MAML2: variants seen among roughly 807,000 people sequenced by gnomAD.
MAML2 encodes mastermind like transcriptional coactivator 2, also known as mastermind-like protein 2.
MAML2 carries 22 observed loss-of-function variants against 96.1 expected under a neutral mutation model. That is an observed-to-expected ratio of 0.23 (90% confidence interval 0.16 to 0.33). The LOEUF (loss-of-function observed/expected upper bound fraction) is 0.33, where lower values mean the gene tolerates loss of function less well. Among genes scored for constraint, MAML2 ranks in the 10% least tolerant of loss-of-function variants. The pLI, the probability that MAML2 is intolerant of heterozygous loss-of-function variation, is 1.00. For synonymous variants in MAML2, 561 were observed against 521.3 expected, an observed-to-expected ratio of 1.08 and a Z score of -1.04; for missense variants, 1,367 against 1,392.4, an observed-to-expected ratio of 0.98 and a Z score of 0.29.
At chr11:96,247,561 G>A (rs1043726206) in intron 1 of MAML2, among the ~76,000 whole-genome samples, 1 of 152,064 alleles carries the variant, frequency 6.6e-6, no homozygotes, top group Admixed American at 6.6e-5. Context: ...CTTTGCAGAC[G>A]CCCACTGCCA....
intron 1 of MAML2, among the ~76,000 whole-genome samples, chr11:96,296,179 G>A (rs1565276206): frequency 6.6e-6 from 1 of 152,066 alleles, no homozygotes; most frequent in Non-Finnish European, 1.5e-5. Context: ...GGGACTACAG[G>A]CACACACCAT....
chr11:96,164,563 G>C (rs919050986), intron 1 of MAML2, among the ~76,000 whole-genome samples: 1 of 152,146 alleles, frequency 6.6e-6, no homozygotes, highest in African/African-American at 2.4e-5. Flanking sequence ...ACATGCTCTT[G>C]ATCTTCTTTT....
intron 1 of MAML2, among the ~76,000 whole-genome samples, chr11:96,286,868 A>C (rs1490544377): frequency 2.6e-5 from 4 of 152,200 alleles, no homozygotes; most frequent in Non-Finnish European, 2.9e-5. Context: ...ACGTGGAACT[A>C]AGCAATTTAA....
At chr11:96,218,337 C>A (rs950290711) in intron 1 of MAML2, among the ~76,000 whole-genome samples, 1 of 152,150 alleles carries the variant, frequency 6.6e-6, no homozygotes, top group African/African-American at 2.4e-5. Context: ...TCGGTGAACC[C>A]CACTTAATTG....
chr11:96,056,716 T>G (rs954474564), intron 2 of MAML2, among the ~76,000 whole-genome samples: 1 of 152,232 alleles, frequency 6.6e-6, no homozygotes, highest in Non-Finnish European at 1.5e-5. Flanking sequence ...GAAATACACT[T>G]TCTTTGTTCA....
At chr11:96,217,314 C>T (rs868130239) in intron 1 of MAML2, among the ~76,000 whole-genome samples, 3 of 152,230 alleles carry the variant, frequency 2.0e-5, no homozygotes, top group African/African-American at 7.2e-5. Context: ...AATGCACTGT[C>T]CATCTAAATA....
At chr11:96,208,070 T>C (rs1861919792) in intron 1 of MAML2, among the ~76,000 whole-genome samples, 1 of 152,216 alleles carries the variant, frequency 6.6e-6, no homozygotes. Flanking sequence ...CCACATTTTT[T>C]GCTGCAGTGA....
chr11:96,155,054 G>A (rs1442098204), intron 1 of MAML2, among the ~76,000 whole-genome samples: 4 of 152,180 alleles, frequency 2.6e-5, no homozygotes, highest in South Asian at 2.1e-4. Context: ...CACGCGGTAA[G>A]TCTCATCAAG....
rs1857667344 is a variant in MAML2 at position 95,977,558 on chromosome 11, T to C, written c.*1390A>G. 9.7e-6 allele frequency: 2 copies of C among 206,528 alleles called. No homozygotes were observed. The highest frequency in any genetic ancestry group is 4.6e-5 in the African/African-American group (2 of 43,942). The allele number at this position is 206,528 out of a possible 1,614,324, so 12.8% of individuals were successfully genotyped here. ...GGGCTGAAGATAACCTTTGCTCCTC[T>C]GTAATTAGGAAAATGATAGTGATAT... On this transcript the variant is annotated 3_prime_UTR_variant, in exon 5 of 5. Coordinates refer to ENST00000524717, the MANE Select transcript of MAML2 (RefSeq NM_032427.4).
At chr11:96,165,658 G>T (rs755665604) in intron 1 of MAML2, among the ~76,000 whole-genome samples, 4 of 152,106 alleles carry the variant, frequency 2.6e-5, no homozygotes, top group Non-Finnish European at 5.9e-5. Flanking sequence ...CAAAGATTAC[G>T]AATATTTTTA....
At chr11:96,056,388 GAAAA>G (rs34837308) in intron 2 of MAML2, among the ~76,000 whole-genome samples, 1 of 97,644 alleles carries the variant, frequency 1.0e-5, no homozygotes, top group Non-Finnish European at 2.1e-5. Flanking sequence ...ATTTTCTGAG[GAAAA>G]AAAAAAAAAA....
chr11:96,185,110 G>C (rs1307891465), intron 1 of MAML2, among the ~76,000 whole-genome samples: 2 of 151,664 alleles, frequency 1.3e-5, no homozygotes, highest in Admixed American at 1.3e-4. Flanking sequence ...AGAAATCTAT[G>C]AGATGTATGA....
Position 96,329,918 on chromosome 11 carries a change from A to G in MAML2, c.513+11465T>C, listed in dbSNP as rs183004545. On this transcript the variant is annotated intron_variant, in intron 1 of 4. Coordinates refer to ENST00000524717, the MANE Select transcript of MAML2 (RefSeq NM_032427.4). ...CCCTGTCTGCTATACCAGCTAACAA[A>G]GTCTTCTGTGACCTAGAAGATCGAA... Among the ~76,000 whole-genome samples, 4 of 152,360 alleles carry G rather than the reference A, an allele frequency of 2.6e-5. No individual in the cohort carries two copies. In the East Asian group the frequency reaches 7.7e-4, roughly 29 times the overall value.
chr11:96,329,512 G>A (rs57378856), intron 1 of MAML2, among the ~76,000 whole-genome samples: 13,923 of 152,176 alleles, frequency 0.091, 848 homozygotes, highest in East Asian at 0.3. Flanking sequence ...AAATATCAGG[G>A]AACTCTGCAA....
At chr11:96,089,086 C>T (rs529573225) in intron 2 of MAML2, among the ~76,000 whole-genome samples, 2 of 152,064 alleles carry the variant, frequency 1.3e-5, no homozygotes, top group East Asian at 3.9e-4. Flanking sequence ...TAGTGTTTTC[C>T]TTTAAGATGT....
chr11:96,079,597 C>A (rs897476336), intron 2 of MAML2, among the ~76,000 whole-genome samples: 1 of 152,208 alleles, frequency 6.6e-6, no homozygotes, highest in South Asian at 2.1e-4. Context: ...GGAGAAAGCA[C>A]TTGGCATATA....
chr11:96,261,971 CAA>C (rs1443553979), intron 1 of MAML2, among the ~76,000 whole-genome samples: 1 of 152,160 alleles, frequency 6.6e-6, no homozygotes, highest in Non-Finnish European at 1.5e-5. Context: ...TTCTCTGACT[CAA>C]AGAGTTATTT....
At chr11:96,128,206 G>A (rs1312782378) in intron 1 of MAML2, among the ~76,000 whole-genome samples, 5 of 152,022 alleles carry the variant, frequency 3.3e-5, no homozygotes, top group East Asian at 1.9e-4. Context: ...TCAGCCTGAC[G>A]AATATGGTGA....
chr11:95,999,643 T>C (rs760107900), intron 2 of MAML2, among the ~76,000 whole-genome samples: 1 of 152,022 alleles, frequency 6.6e-6, no homozygotes, highest in Non-Finnish European at 1.5e-5. Context: ...TAGCTCTCTG[T>C]TCCTCTTCAC....
Sources: allele counts gnomAD v4.1 joint callset (sites outside exome capture counted in the v4.1 genomes callset), GRCh38; gene constraint gnomAD v4.1.1; transcripts MANE v1.5; gene names NCBI Gene and HGNC (gene_info 2026-07-23, HGNC 2026-07-21).